Variants in GRIA1 observed in about 807,000 individuals in gnomAD.
The protein encoded by GRIA1 is glutamate ionotropic receptor AMPA type subunit 1, also known as glutamate receptor 1.
A neutral mutation model predicts 99.2 loss-of-function variants in GRIA1; 31 were observed. The observed-to-expected ratio is 0.31, with a 90% CI of 0.23 to 0.42. GRIA1 has a LOEUF of 0.42. GRIA1 is among the 10% of genes least tolerant of loss of function. The pLI is 1.00. For missense variants in GRIA1, 782 were observed against 1,157.5 expected (o/e 0.68, Z 4.71); for synonymous variants, 438 against 432.4 (o/e 1.01, Z -0.16).
chr5:153,641,860 T>G (rs1039270825), intron 2 of GRIA1, among the ~76,000 whole-genome samples: 2 of 152,212 alleles, frequency 1.3e-5, no homozygotes, highest in Admixed American at 1.3e-4. Context: ...TGAATTGCTA[T>G]TGCCTACATA....
At chr5:153,614,442 T>C (rs959755321) in intron 2 of GRIA1, among the ~76,000 whole-genome samples, 2 of 152,222 alleles carry the variant, frequency 1.3e-5, no homozygotes, top group Admixed American at 6.5e-5. Context: ...TATTTACTCA[T>C]TTAATACTTA....
chr5:153,503,324 C>T (rs1426352084), intron 2 of GRIA1, among the ~76,000 whole-genome samples: 1 of 152,106 alleles, frequency 6.6e-6, no homozygotes, highest in African/African-American at 2.4e-5. Flanking sequence ...GCTGTGTAAC[C>T]TTGAAAAGCT....
intron 13 of GRIA1, among the ~76,000 whole-genome samples, chr5:153,789,032 A>G (rs931650744): frequency 6.6e-6 from 1 of 152,212 alleles, no homozygotes; most frequent in Non-Finnish European, 1.5e-5. Flanking sequence ...TTAGGAACCC[A>G]TAGTATAATT....
At chr5:153,542,649 G>A (rs1453610942) in intron 2 of GRIA1, among the ~76,000 whole-genome samples, 2 of 152,222 alleles carry the variant, frequency 1.3e-5, no homozygotes, top group Non-Finnish European at 2.9e-5. Context: ...GAGTGAACTA[G>A]CAATCACAGA....
chr5:153,674,508 G>A lies in GRIA1; in HGVS notation c.708G>A (p.Met236Ile). ...YHYILANLGF[M>I]DIDLNKFKES... The stretch of plus-strand genomic sequence containing the variant: ...TCCTCCCCCTCTCACAGGGCTTCAT[G>A]GACATTGACTTAAACAAATTCAAGG... The change falls in exon 6 of 16, where the codon ATG (methionine) becomes ATA (isoleucine). Residue 236 changes from methionine (M) to isoleucine (I), a missense_variant. Physicochemically the swap from Met to Ile is conservative, Grantham distance 10. Transcript: ENST00000285900. 1 of 1,614,086 alleles carries A rather than the reference G, an allele frequency of 6.2e-7. No individual in the cohort carries two copies. The highest frequency in any genetic ancestry group is 8.5e-7 in the Non-Finnish European group (1 of 1,179,982).
At position 153,811,301 on chromosome 5, in the gene GRIA1, C is replaced by A. The variant is rs2149684253; in HGVS notation, c.*76C>A. The A allele has an allele frequency of 9.6e-7, 1 of 1,038,264 alleles. No individual in the cohort carries two copies. Among genetic ancestry groups the A allele is most frequent in the South Asian group, 1.3e-5 (1 of 74,990 alleles). The allele number at this position is 1,038,264 out of a possible 1,614,324, so 64.3% of individuals were successfully genotyped here. Reference sequence around the variant, plus strand: ...ATCCCAAACCCTTCAGTGCCAAAAACAACAACAAAATGAAACGCAACCACC... The same window carrying A: ...ATCCCAAACCCTTCAGTGCCAAAAAAAACAACAAAATGAAACGCAACCACC... On this transcript the variant is annotated 3_prime_UTR_variant, in exon 16 of 16. Transcript: ENST00000285900.
rs61750843 is a variant in GRIA1, at chr5:153,650,426, G to A, written c.557G>A (p.Arg186Gln). 8.7e-6 allele frequency: 14 copies of A among 1,613,886 alleles called. No homozygotes were observed. The highest frequency in any genetic ancestry group is 2.2e-5 in the East Asian group (1 of 44,874). ...NILTTTEEGY[R>Q]MLFQDLEKKK... is the part of the protein sequence containing the mutation. ...TTGACAACCACAGAGGAGGGATACCGGATGCTCTTTCAGGACCTGGAGAAG... is the reference window on the plus strand; with the variant it reads ...TTGACAACCACAGAGGAGGGATACCAGATGCTCTTTCAGGACCTGGAGAAG... The change falls in exon 4 of 16, where the codon CGG becomes CAG. Residue 186 changes from arginine to glutamine, a missense_variant. Transcript: ENST00000285900.
intron 11 of GRIA1, among the ~76,000 whole-genome samples, chr5:153,731,061 C>G (rs6886614): frequency 0.53 from 80,050 of 151,374 alleles, 22,124 homozygotes; most frequent in East Asian, 0.94. Context: ...TCACTGTATG[C>G]CTCAAATCTA....
intron 2 of GRIA1, among the ~76,000 whole-genome samples, chr5:153,582,077 T>G (rs1763092177): frequency 6.6e-6 from 1 of 152,184 alleles, no homozygotes; most frequent in African/African-American, 2.4e-5. Flanking sequence ...TTCTTTCTTA[T>G]GGTCTCCTGA....
intron 11 of GRIA1, among the ~76,000 whole-genome samples, chr5:153,731,442 C>T (rs557524070): frequency 1.1e-4 from 16 of 152,154 alleles, no homozygotes; most frequent in Non-Finnish European, 1.5e-4. Flanking sequence ...CTCAGCTCCA[C>T]CTGCTAGGAC....
chr5:153,806,822 A>G (rs1287640865), intron 15 of GRIA1, among the ~76,000 whole-genome samples: 5 of 152,230 alleles, frequency 3.3e-5, no homozygotes, highest in Admixed American at 2.6e-4. Flanking sequence ...TGTTCTTACA[A>G]TCCTACAGAT....
intron 2 of GRIA1, among the ~76,000 whole-genome samples, chr5:153,563,037 A>C (rs1350579755): frequency 1.3e-5 from 2 of 152,046 alleles, no homozygotes; most frequent in African/African-American, 4.8e-5. Flanking sequence ...TTAGCTGGGC[A>C]TGGTGGCAGG....
At chr5:153,515,725 G>T (rs1446505208) in intron 2 of GRIA1, among the ~76,000 whole-genome samples, 1 of 152,170 alleles carries the variant, frequency 6.6e-6, no homozygotes, top group Non-Finnish European at 1.5e-5. Flanking sequence ...CTGTAACACA[G>T]AAATAGATAT....
chr5:153,633,580 G>T (rs1192210331), intron 2 of GRIA1, among the ~76,000 whole-genome samples: 1 of 152,178 alleles, frequency 6.6e-6, no homozygotes, highest in South Asian at 2.1e-4. Flanking sequence ...TGGTCCCTGG[G>T]CTGGGCAGCA....
At chr5:153,549,411 G>GA (rs1053565566) in intron 2 of GRIA1, among the ~76,000 whole-genome samples, 1 of 152,020 alleles carries the variant, frequency 6.6e-6, no homozygotes, top group African/African-American at 2.4e-5. Flanking sequence ...TTTTAATCAG[G>GA]AAAAAGAAAG....
rs1481506693 is a variant in GRIA1 at position 153,774,076 on chromosome 5, C to CCA, written c.2270+3662_2270+3663insAC. Among the ~76,000 whole-genome samples the CCA allele has an allele frequency of 1.3e-4, 11 of 86,906 alleles. 1 individual carries two copies. The highest frequency in any genetic ancestry group is 3.6e-4 in the African/African-American group (8 of 22,148). The allele number at this position is 86,906 out of a possible 152,430, so 57.0% of individuals were successfully genotyped here. A position where few individuals can be genotyped will look rare whatever the true frequency, so the allele number is the denominator to read the frequency against. On this transcript the variant is annotated intron_variant, in intron 13 of 15. Coordinates refer to ENST00000285900, the MANE Select transcript of GRIA1 (RefSeq NM_000827.4). ...TCTCCTACACCCCAACCCCCCCTCCCCCCACACACACACACACACTCCAGC... is the reference window on the plus strand; with the variant it reads ...TCTCCTACACCCCAACCCCCCCTCCCCACCCACACACACACACACACTCCAGC...
chr5:153,600,216 A>C (rs12516326), intron 2 of GRIA1, among the ~76,000 whole-genome samples: 89 of 151,694 alleles, frequency 5.9e-4, no homozygotes, highest in East Asian at 9.7e-4. Flanking sequence ...ATGGTGAAAC[A>C]CTGTCTCTAC....
intron 2 of GRIA1, among the ~76,000 whole-genome samples, chr5:153,552,880 T>G (rs1760277607): frequency 6.6e-6 from 1 of 152,248 alleles, no homozygotes; most frequent in Non-Finnish European, 1.5e-5. Flanking sequence ...CCTTGTTAAG[T>G]ATCTAAGCTT....
At chr5:153,706,443 A>G (rs1231165860) in intron 11 of GRIA1, among the ~76,000 whole-genome samples, 2 of 152,222 alleles carry the variant, frequency 1.3e-5, no homozygotes, top group African/African-American at 4.8e-5. Context: ...TATCTCATTG[A>G]GTCCTTACAG....
Sources: gnomAD v4.1 joint callset for allele counts (sites outside exome capture counted in the v4.1 genomes callset) on GRCh38, gnomAD v4.1.1 for gene constraint, MANE v1.5 for transcripts, NCBI Gene and HGNC (gene_info 2026-07-23, HGNC 2026-07-21) for gene names.